CEP112: variants seen among roughly 807,000 people sequenced by gnomAD.
CEP112 encodes the protein centrosomal protein of 112 kDa.
In CEP112, 127 loss-of-function variants were observed where a neutral mutation model predicts 153.0. That is an observed-to-expected ratio of 0.83 (90% CI 0.72 to 0.96). The LOEUF is 0.96. Among genes scored for constraint, CEP112 ranks in the 40% least tolerant of loss-of-function variants. The pLI is 0.00. For synonymous variants in CEP112, 358 were observed against 374.4 expected (o/e 0.96, Z 0.51); for missense variants, 1,089 against 1,101.2 (o/e 0.99, Z 0.16).
intron 21 of CEP112, among the ~76,000 whole-genome samples, chr17:65,786,464 T>G (rs939153168): frequency 6.6e-6 from 1 of 152,088 alleles, no homozygotes; most frequent in Non-Finnish European, 1.5e-5. Flanking sequence ...TTCATTAGTG[T>G]CTTATTTTTC....
intron 18 of CEP112, among the ~76,000 whole-genome samples, chr17:65,937,913 G>A (rs1304521011): frequency 1.6e-4 from 20 of 123,168 alleles, no homozygotes; most frequent in African/African-American, 5.0e-4. Flanking sequence ...CCATCTGGGA[G>A]GTGTGCCCAG....
intron 8 of CEP112, among the ~76,000 whole-genome samples, chr17:66,078,322 G>A (rs932823652): frequency 2.1e-5 from 3 of 145,922 alleles, no homozygotes; most frequent in African/African-American, 7.8e-5. Flanking sequence ...GCAGTGACAC[G>A]ATCTCAGCTC....
intron 1 of CEP112, among the ~76,000 whole-genome samples, chr17:66,185,995 T>C (rs1273690873): frequency 6.6e-6 from 1 of 152,070 alleles, no homozygotes; most frequent in African/African-American, 2.4e-5. Flanking sequence ...TCATTAGAGG[T>C]AAGCCAAGGT....
intron 24 of CEP112, among the ~76,000 whole-genome samples, chr17:65,662,533 T>C (rs2046439497): frequency 3.3e-5 from 5 of 152,198 alleles, no homozygotes. Flanking sequence ...GTTGAAGGCA[T>C]TTCTTTAATA....
In CEP112 at chr17:66,103,022, G is replaced by A. The variant is rs564294123; in HGVS notation, c.643-6390C>T. 8.9e-4 allele frequency among the ~76,000 whole-genome samples: 135 copies of A among 151,030 alleles called. 1 individual carries two copies. Among genetic ancestry groups the A allele is most frequent in the South Asian group, 8.0e-3 (38 of 4,758 alleles). ...GCAGATCACCTGAGGTCAGCAGTTC[G>A]AGACCAGACTGGCTAACATGGTGAA... On this transcript the variant is annotated intron_variant, in intron 6 of 26. Coordinates refer to ENST00000535342, the MANE Select transcript of CEP112 (RefSeq NM_001199165.4).
chr17:65,838,259 A>C (rs1300716117), intron 21 of CEP112, among the ~76,000 whole-genome samples: 1 of 152,214 alleles, frequency 6.6e-6, no homozygotes, highest in Non-Finnish European at 1.5e-5. Context: ...ATTAGGTCAC[A>C]AAACAAGTCT....
Position 66,027,492 on chromosome 17 carries a change from A to T in CEP112, c.1656+9T>A. 1 of 1,345,466 alleles carries T rather than the reference A, an allele frequency of 7.4e-7. No individual in the cohort carries two copies. Among genetic ancestry groups the T allele is most frequent in the South Asian group, 1.4e-5 (1 of 73,128 alleles). 83.3% of individuals were successfully genotyped at this position (1,345,466 alleles called of 1,614,324 possible). A position where few individuals can be genotyped will look rare whatever the true frequency, so the allele number is the denominator to read the frequency against. ...TTAAATATTTTATAGCTTCCATAAA[A>T]CATATTACCTTTTTTTCATAGATGT... On this transcript the variant is annotated intron_variant, in intron 16 of 26. Transcript: ENST00000535342.
chr17:65,970,765 T>TACATGTATATC (rs2062714762), intron 17 of CEP112, among the ~76,000 whole-genome samples: 1 of 48,000 alleles, frequency 2.1e-5, no homozygotes, highest in Non-Finnish European at 4.4e-5. Flanking sequence ...ACAGGTATGT[T>TACATGTATATC]ACATGTTACA....
At chr17:65,802,118 A>C (rs1250333345) in intron 21 of CEP112, among the ~76,000 whole-genome samples, 1 of 152,106 alleles carries the variant, frequency 6.6e-6, no homozygotes, top group East Asian at 1.9e-4. Flanking sequence ...GTGGCAGCTG[A>C]AGTTTCTGCT....
At chr17:65,893,430 T>C (rs1033556398) in intron 20 of CEP112, among the ~76,000 whole-genome samples, 4 of 152,144 alleles carry the variant, frequency 2.6e-5, no homozygotes, top group African/African-American at 9.7e-5. Flanking sequence ...TGTGATTTCT[T>C]ATGATTTTTC....
intron 8 of CEP112, among the ~76,000 whole-genome samples, chr17:66,090,344 T>C (rs949615904): frequency 1.3e-5 from 2 of 152,022 alleles, no homozygotes; most frequent in Admixed American, 6.5e-5. Flanking sequence ...AGATATTATA[T>C]TATTTAAATA....
At chr17:66,156,506 G>A (rs1165433241) in intron 4 of CEP112, among the ~76,000 whole-genome samples, 1 of 152,104 alleles carries the variant, frequency 6.6e-6, no homozygotes, top group Non-Finnish European at 1.5e-5. Context: ...TTGCCAGCAA[G>A]GGAACAAAGC....
intron 4 of CEP112, among the ~76,000 whole-genome samples, chr17:66,148,856 C>T (rs929422472): frequency 2.6e-5 from 4 of 151,614 alleles, no homozygotes; most frequent in East Asian, 1.9e-4. Context: ...CTTTTTCTTG[C>T]GAATTGCCTA....
chr17:65,976,722 C>T (rs2063045976), intron 17 of CEP112, among the ~76,000 whole-genome samples: 1 of 140,638 alleles, frequency 7.1e-6, no homozygotes, highest in African/African-American at 2.6e-5. Flanking sequence ...TTAAAGTAAA[C>T]TTATAACTTT....
At chr17:65,939,989 T>C (rs1292595941) in intron 18 of CEP112, among the ~76,000 whole-genome samples, 1 of 152,092 alleles carries the variant, frequency 6.6e-6, no homozygotes, top group Non-Finnish European at 1.5e-5. Context: ...AAACCATACA[T>C]ATTATAAGGG....
intron 17 of CEP112, among the ~76,000 whole-genome samples, chr17:65,985,356 G>C (rs957701016): frequency 6.6e-6 from 1 of 152,094 alleles, no homozygotes; most frequent in African/African-American, 2.4e-5. Flanking sequence ...AAGAAGGCAA[G>C]AGTTTAAAAG....
intron 18 of CEP112, among the ~76,000 whole-genome samples, chr17:65,949,429 C>G (rs1215466865): frequency 6.6e-6 from 1 of 152,110 alleles, no homozygotes; most frequent in Non-Finnish European, 1.5e-5. Flanking sequence ...TTCGAGGAGT[C>G]CGAATCTAGC....
At chr17:66,186,396 G>A (rs2072938257) in intron 1 of CEP112, among the ~76,000 whole-genome samples, 1 of 151,996 alleles carries the variant, frequency 6.6e-6, no homozygotes, top group South Asian at 2.1e-4. Context: ...CCACCTCCCG[G>A]GTTCAAGGGA....
chr17:66,056,784 G>A (rs2066709164), intron 11 of CEP112, among the ~76,000 whole-genome samples: 1 of 152,160 alleles, frequency 6.6e-6, no homozygotes, highest in Admixed American at 6.5e-5. Context: ...CTAGGGCAAT[G>A]AAAATGGTCT....
Sources: gnomAD v4.1 joint callset for allele counts (sites outside exome capture counted in the v4.1 genomes callset) on GRCh38, gnomAD v4.1.1 for gene constraint, MANE v1.5 for transcripts, NCBI Gene and HGNC (gene_info 2026-07-23, HGNC 2026-07-21) for gene names.